The following TNIK variants were observed in gnomAD, a reference collection of about 807,000 sequenced individuals.
TNIK encodes the protein TRAF2 and NCK interacting kinase.
TNIK carries 49 observed loss-of-function variants against 191.3 expected under a neutral mutation model. The observed-to-expected ratio is 0.26, with a 90% CI of 0.20 to 0.32. The LOEUF is 0.32. Ranked by LOEUF, TNIK falls within the 10% of genes least tolerant of loss-of-function variation. The pLI, the probability that TNIK is intolerant of heterozygous loss-of-function variation, is 1.00. For missense variants in TNIK, 1,155 were observed against 1,702.3 expected (o/e 0.68, Z 5.66); for synonymous variants, 594 against 600.9 (o/e 0.99, Z 0.17).
chr3:171,193,609 GCCTT>G (rs1236895465), intron 5 of TNIK, among the ~76,000 whole-genome samples: 2 of 152,076 alleles, frequency 1.3e-5, no homozygotes, highest in African/African-American at 4.8e-5. Context: ...GTCTTCTTAT[GCCTT>G]CCTTCTTTTT....
At chr3:171,088,237 C>CTTTTCT (rs1553803487) in intron 23 of TNIK, among the ~76,000 whole-genome samples, 47 of 142,906 alleles carry the variant, frequency 3.3e-4, no homozygotes, top group African/African-American at 5.1e-4. Context: ...AAAGGTTTTT[C>CTTTTCT]TTTTTTTTTT....
At chr3:171,434,174 G>C (rs958648694) in intron 1 of TNIK, among the ~76,000 whole-genome samples, 1 of 151,858 alleles carries the variant, frequency 6.6e-6, no homozygotes, top group Non-Finnish European at 1.5e-5. Context: ...GACCTCAGGC[G>C]ATCTGCCTGC....
At chr3:171,081,434 A>G (rs1056910150) in intron 27 of TNIK, among the ~76,000 whole-genome samples, 1 of 151,030 alleles carries the variant, frequency 6.6e-6, no homozygotes, top group Non-Finnish European at 1.5e-5. Context: ...ATCAGAAACT[A>G]TGAACGCTCC....
At chr3:171,404,533 T>A (rs747072152) in intron 1 of TNIK, among the ~76,000 whole-genome samples, 3 of 152,112 alleles carry the variant, frequency 2.0e-5, no homozygotes, top group Admixed American at 6.5e-5. Context: ...AGTTTGTTTT[T>A]TTTTTTAACC....
At chr3:171,302,754 A>G (rs569686825) in intron 2 of TNIK, among the ~76,000 whole-genome samples, 1 of 152,328 alleles carries the variant, frequency 6.6e-6, no homozygotes, top group South Asian at 2.1e-4. Context: ...TTAAATGTTT[A>G]TAAAAGAATG....
At chr3:171,156,233 G>A (rs1733159493) in intron 12 of TNIK, among the ~76,000 whole-genome samples, 1 of 152,206 alleles carries the variant, frequency 6.6e-6, no homozygotes, top group Non-Finnish European at 1.5e-5. Context: ...GGGTATTATT[G>A]TTGCTGGTCT....
intron 16 of TNIK, among the ~76,000 whole-genome samples, chr3:171,128,298 C>T (rs1728753281): frequency 6.6e-6 from 1 of 152,182 alleles, no homozygotes; most frequent in Admixed American, 6.5e-5. Flanking sequence ...TTTACTTAAC[C>T]AAGTCTATTT....
chr3:171,295,380 C>T (rs1329744996), intron 2 of TNIK, among the ~76,000 whole-genome samples: 1 of 152,164 alleles, frequency 6.6e-6, no homozygotes, highest in African/African-American at 2.4e-5. Context: ...CATGGTCAGG[C>T]CCCTCCCCAA....
intron 4 of TNIK, among the ~76,000 whole-genome samples, chr3:171,198,515 C>T (rs1739005866): frequency 6.6e-6 from 1 of 151,910 alleles, no homozygotes; most frequent in South Asian, 2.1e-4. Context: ...ATGAGTTATA[C>T]ATTCTAAAGT....
intron 10 of TNIK, among the ~76,000 whole-genome samples, chr3:171,163,988 T>C (rs116530884): frequency 0.015 from 2,213 of 152,308 alleles, 62 homozygotes; most frequent in African/African-American, 0.05. Context: ...AAAAGTAATA[T>C]TAGAGCAAAC....
chr3:171,068,400 T>C (rs1297118657), intron 30 of TNIK, among the ~76,000 whole-genome samples: 1 of 152,148 alleles, frequency 6.6e-6, no homozygotes, highest in African/African-American at 2.4e-5. Flanking sequence ...CTGACTCCAG[T>C]GTACCACACT....
Position 171,370,990 on chromosome 3 carries a change from CAG to C in TNIK, c.58-1307_58-1306del, listed in dbSNP as rs1425699446. Among the ~76,000 whole-genome samples, 9 of 152,080 alleles carry C rather than the reference CAG, an allele frequency of 5.9e-5. No individual in the cohort carries two copies. In the East Asian group the frequency reaches 1.5e-3, roughly 26 times the overall value. On this transcript the variant is annotated intron_variant, in intron 1 of 32. Transcript: ENST00000436636. Reference sequence around the variant, plus strand: ...GAGGGAACAGCCTGAACTTCAGATTCAGAGAGACCTGGGTTAAATACCAGCTG... The same window carrying C: ...GAGGGAACAGCCTGAACTTCAGATTCAGAGACCTGGGTTAAATACCAGCTG...
intron 1 of TNIK, among the ~76,000 whole-genome samples, chr3:171,404,444 T>C (rs1041584520): frequency 3.9e-5 from 6 of 152,196 alleles, no homozygotes; most frequent in African/African-American, 4.8e-5. Flanking sequence ...AATGAATCTT[T>C]ATAACACATT....
Position 171,347,221 on chromosome 3 carries a change from GAAAAAA to G in TNIK, c.123+22393_123+22398del, listed in dbSNP as rs3082367. On this transcript the variant is annotated intron_variant, in intron 2 of 32. Transcript: ENST00000436636. The stretch of plus-strand genomic sequence containing the variant: ...CCCTTCACTCACTGGTTCATTTGCT[GAAAAAA>G]AAAAAAAAAGAAAAGAAAAATGACA... 1.1e-5 allele frequency: 15 copies of G among 1,418,542 alleles called. No homozygotes were observed. In the African/African-American group the frequency reaches 1.9e-4, roughly 18 times the overall value. 87.9% of individuals were successfully genotyped at this position (1,418,542 alleles called of 1,614,324 possible).
intron 2 of TNIK, among the ~76,000 whole-genome samples, chr3:171,360,980 C>T (rs887821874): frequency 6.6e-6 from 1 of 152,174 alleles, no homozygotes; most frequent in Non-Finnish European, 1.5e-5. Context: ...GATGGCAATG[C>T]CAGGCAGTTG....
intron 2 of TNIK, among the ~76,000 whole-genome samples, chr3:171,299,185 C>A (rs1024173701): frequency 2.6e-5 from 4 of 152,094 alleles, no homozygotes; most frequent in African/African-American, 9.7e-5. Context: ...TCTTGCAAAC[C>A]CCCTTCCCCT....
chr3:171,271,587 C>A (rs762274256), intron 2 of TNIK, among the ~76,000 whole-genome samples: 51 of 152,220 alleles, frequency 3.4e-4, no homozygotes, highest in Non-Finnish European at 4.4e-4. Flanking sequence ...CAAAATTAAT[C>A]TCTACCTCTC....
chr3:171,365,355 T>C (rs1577649597), intron 2 of TNIK, among the ~76,000 whole-genome samples: 1 of 151,772 alleles, frequency 6.6e-6, no homozygotes, highest in Non-Finnish European at 1.5e-5. Flanking sequence ...GCTAATTTTG[T>C]ATTTTTAGTA....
At chr3:171,157,693 C>T (rs368702502) in intron 11 of TNIK, 29 bp from the exon 12 acceptor site, 1 of 1,550,338 alleles carries the variant, frequency 6.5e-7, no homozygotes, top group African/African-American at 1.4e-5. Context: ...GATCAGGATC[C>T]CACGTGGGGC....
Sources: allele counts gnomAD v4.1 joint callset (sites outside exome capture counted in the v4.1 genomes callset), GRCh38; gene constraint gnomAD v4.1.1; transcripts MANE v1.5; gene names NCBI Gene and HGNC (gene_info 2026-07-23, HGNC 2026-07-21).